The following ANKS1B variants were observed in gnomAD, a reference collection of about 807,000 sequenced individuals.
ANKS1B encodes ankyrin repeat and sterile alpha motif domain containing 1B.
ANKS1B carries 36 observed loss-of-function variants against 148.3 expected under a neutral mutation model. That is an observed-to-expected ratio of 0.24 (90% CI 0.19 to 0.32). The LOEUF (loss-of-function observed/expected upper bound fraction) is 0.32. Among genes scored for constraint, ANKS1B ranks in the 10% least tolerant of loss-of-function variants. The pLI, the probability that ANKS1B is intolerant of heterozygous loss-of-function variation, is 1.00. For missense variants in ANKS1B, 1,157 were observed against 1,542.6 expected (o/e 0.75, Z 4.19); for synonymous variants, 542 against 560.8 (o/e 0.97, Z 0.47).
chr12:99,299,807 C>G (rs991955951), intron 12 of ANKS1B, among the ~76,000 whole-genome samples: 1 of 152,064 alleles, frequency 6.6e-6, no homozygotes, highest in East Asian at 1.9e-4. Flanking sequence ...TTTTGTTAAG[C>G]CTTTTGTATT....
At chr12:98,791,582 T>C (rs781081881) in intron 22 of ANKS1B, among the ~76,000 whole-genome samples, 3 of 152,118 alleles carry the variant, frequency 2.0e-5, no homozygotes, top group Non-Finnish European at 4.4e-5. Context: ...GATCTGGCTA[T>C]GTTGCCCCGG....
chr12:99,924,476 AAGATG>A (rs1805495208), intron 1 of ANKS1B, among the ~76,000 whole-genome samples: 1 of 152,198 alleles, frequency 6.6e-6, no homozygotes, highest in African/African-American at 2.4e-5. Flanking sequence ...TTAGGATGCC[AAGATG>A]AGATGCTTGT....
At chr12:98,924,436 GCTGTATCTACT>G (rs2099805411) in intron 17 of ANKS1B, among the ~76,000 whole-genome samples, 1 of 151,946 alleles carries the variant, frequency 6.6e-6, no homozygotes, top group South Asian at 2.1e-4. Flanking sequence ...ATGCTAAATG[GCTGTATCTACT>G]CTTGAAAATA....
At position 99,730,170 on chromosome 12, in the gene ANKS1B, T is replaced by C. The variant is rs1252218193; in HGVS notation, c.1128+42752A>G. On this transcript the variant is annotated intron_variant, in intron 8 of 26. Coordinates refer to ENST00000683438, the MANE Select transcript of ANKS1B (RefSeq NM_001352186.2). ...GTGCTTAAATTGTTCTATAGACTAA[T>C]CCATCAAATTCGGGTTCCTTTGAAG... 2.6e-5 allele frequency among the ~76,000 whole-genome samples: 4 copies of C among 152,356 alleles called. No homozygotes were observed. In the East Asian group the frequency reaches 7.7e-4, roughly 29 times the overall value.
intron 8 of ANKS1B, among the ~76,000 whole-genome samples, chr12:99,671,754 C>T (rs897639082): frequency 3.3e-5 from 5 of 152,018 alleles, no homozygotes; most frequent in Non-Finnish European, 7.4e-5. Context: ...CTCTAGTTCA[C>T]GACACTAAAT....
intron 11 of ANKS1B, among the ~76,000 whole-genome samples, chr12:99,413,048 T>C (rs2094770060): frequency 6.6e-6 from 1 of 152,192 alleles, no homozygotes; most frequent in Admixed American, 6.5e-5. Context: ...TTATAGATTA[T>C]GGCCAAACAT....
chr12:99,469,741 CTAAAA>C (rs1466512731), intron 10 of ANKS1B, among the ~76,000 whole-genome samples: 2 of 152,090 alleles, frequency 1.3e-5, no homozygotes, highest in Non-Finnish European at 2.9e-5. Flanking sequence ...AAATGTCCAA[CTAAAA>C]TAAGTTTAAA....
At chr12:99,247,898 A>C (rs1226394183) in intron 12 of ANKS1B, among the ~76,000 whole-genome samples, 1 of 152,224 alleles carries the variant, frequency 6.6e-6, no homozygotes, top group East Asian at 1.9e-4. Context: ...AGTATAGTAA[A>C]TGTGGTACAT....
chr12:99,632,764 T>C (rs1181887103), intron 9 of ANKS1B, among the ~76,000 whole-genome samples: 1 of 87,812 alleles, frequency 1.1e-5, no homozygotes, highest in Non-Finnish European at 2.4e-5. Flanking sequence ...TATATATATA[T>C]ATATTTTAAT....
chr12:99,943,505 A>G (rs752742125), intron 1 of ANKS1B, among the ~76,000 whole-genome samples: 1 of 152,174 alleles, frequency 6.6e-6, no homozygotes, highest in Non-Finnish European at 1.5e-5. Context: ...TCAGTTCCAC[A>G]TGGCTGGGGA....
chr12:99,852,063 G>A (rs1253813312), intron 1 of ANKS1B, among the ~76,000 whole-genome samples: 6 of 152,126 alleles, frequency 3.9e-5, no homozygotes, highest in Admixed American at 3.3e-4. Context: ...GCTCAGTCTA[G>A]CTAAAAATAA....
Position 98,801,270 on chromosome 12 carries a change from A to C in ANKS1B, c.3142-145T>G. 1 of 705,606 alleles carries C rather than the reference A, an allele frequency of 1.4e-6. No homozygotes were observed. The highest frequency in any genetic ancestry group is 2.8e-5 in the East Asian group (1 of 35,716). 43.7% of individuals were successfully genotyped at this position (705,606 alleles called of 1,614,324 possible). On this transcript the variant is annotated intron_variant, in intron 20 of 26. Coordinates refer to ENST00000683438, the MANE Select transcript of ANKS1B (RefSeq NM_001352186.2). The surrounding 1 kb of genome is among the most constrained non-coding windows in gnomAD (Gnocchi z 5.2). ...CTTATGTGAATATAAATACTTGGTT[A>C]TTACATTTTTATATGTATTAGCATA...
At chr12:99,544,478 T>C (rs1262662190) in intron 9 of ANKS1B, among the ~76,000 whole-genome samples, 2 of 152,164 alleles carry the variant, frequency 1.3e-5, no homozygotes, top group African/African-American at 2.4e-5. Context: ...AATGATAATA[T>C]GTTTCTCAAA....
chr12:99,504,413 A>G (rs2096686077), intron 10 of ANKS1B, 63 bp downstream of exon 10: 1 of 1,492,286 alleles, frequency 6.7e-7, no homozygotes, highest in Admixed American at 2.1e-5. Context: ...AATGTTAATG[A>G]TGCATCTTCA....
intron 22 of ANKS1B, among the ~76,000 whole-genome samples, chr12:98,785,773 T>C (rs2098788131): frequency 6.6e-6 from 1 of 152,210 alleles, no homozygotes; most frequent in African/African-American, 2.4e-5. Context: ...CTATGACCTA[T>C]CTATCTGCAT....
chr12:99,920,812 G>T lies in ANKS1B; in HGVS notation c.134+63292C>A, dbSNP rs565854993. ...AAATTTGCCCTTCCTCCACTTTCTT[G>T]TTCTATTCAGGCCCTCGAAGCCAGA... On this transcript the variant is annotated intron_variant, in intron 1 of 26. Transcript: ENST00000683438. 5.9e-5 allele frequency among the ~76,000 whole-genome samples: 9 copies of T among 152,226 alleles called. No individual in the cohort carries two copies. The East Asian group carries it at 1.4e-3, about 23-fold the overall frequency.
chr12:99,677,187 C>T (rs2098579972), intron 8 of ANKS1B, among the ~76,000 whole-genome samples: 1 of 152,182 alleles, frequency 6.6e-6, no homozygotes, highest in South Asian at 2.1e-4. Flanking sequence ...TCTTTCATAG[C>T]CTAGACCTAA....
chr12:98,963,099 G>C (rs2153155081), intron 17 of ANKS1B, among the ~76,000 whole-genome samples: 1 of 151,076 alleles, frequency 6.6e-6, no homozygotes, highest in South Asian at 2.1e-4. Flanking sequence ...GATCAGAGAA[G>C]AAATAAATAA....
intron 19 of ANKS1B, among the ~76,000 whole-genome samples, chr12:98,820,520 G>A (rs990463218): frequency 1.3e-5 from 2 of 152,120 alleles, no homozygotes; most frequent in Non-Finnish European, 2.9e-5. Context: ...AAGTAATTTG[G>A]TCAACAGTAT....
Sources: allele counts gnomAD v4.1 joint callset (sites outside exome capture counted in the v4.1 genomes callset), GRCh38; gene constraint gnomAD v4.1.1; non-coding constraint Gnocchi (gnomAD v3.1); transcripts MANE v1.5; gene names NCBI Gene and HGNC (gene_info 2026-07-23, HGNC 2026-07-21).